Variants in CLDN1 observed in about 807,000 individuals in gnomAD.
CLDN1 encodes the protein claudin-1.
CLDN1 carries 12 observed loss-of-function variants against 22.6 expected under a neutral mutation model. The observed-to-expected ratio is 0.53, with a 90% confidence interval of 0.34 to 0.86. The LOEUF (loss-of-function observed/expected upper bound fraction) is 0.86. CLDN1 is among the 40% of genes least tolerant of loss of function. CLDN1 has a pLI of 0.02. For synonymous variants in CLDN1, 99 were observed against 103.8 expected, an observed-to-expected ratio of 0.95 and a Z score of 0.28; for missense variants, 250 against 269.5, an observed-to-expected ratio of 0.93 and a Z score of 0.51.
Position 190,308,351 on chromosome 3 carries a change from G to C in CLDN1, c.562C>G (p.Arg188Gly). ...GGALLCCSCP[R>G]KTTSYPTPRP... ...GGTGTTGGGTAAGAGGTTGTTTTTCGGGGACAGGAACAGCAAAGTAGGGCA... is the reference window on the plus strand; with the variant it reads ...GGTGTTGGGTAAGAGGTTGTTTTTCCGGGACAGGAACAGCAAAGTAGGGCA... Residue 188 changes from arginine to glycine, a missense_variant, in exon 4 of 4, where the codon CGA becomes GGA. Physicochemically the swap from Arg to Gly is moderately radical, Grantham distance 125. Coordinates refer to ENST00000295522, the MANE Select transcript of CLDN1 (RefSeq NM_021101.5). 1 of 1,613,832 alleles carries C rather than the reference G, an allele frequency of 6.2e-7. No homozygotes were observed. Among genetic ancestry groups the C allele is most frequent in the Non-Finnish European group, 8.5e-7 (1 of 1,179,858 alleles).
At chr3:190,308,555 G>T in intron 3 of CLDN1, 116 bp from the exon 4 acceptor site, 1 of 969,124 alleles carries the variant, frequency 1.0e-6, no homozygotes. Context: ...AATAACCCCT[G>T]AATATCCCTT....
chr3:190,314,556 G>A (rs1258824057), intron 1 of CLDN1, among the ~76,000 whole-genome samples: 1 of 134,450 alleles, frequency 7.4e-6, no homozygotes, highest in African/African-American at 3.4e-5. Context: ...CACCATGCCT[G>A]GCTAAATTTT....
intron 1 of CLDN1, among the ~76,000 whole-genome samples, chr3:190,314,314 C>A (rs73056501): frequency 0.085 from 13,007 of 152,206 alleles, 1,084 homozygotes; most frequent in African/African-American, 0.22. Context: ...CTAAATATTT[C>A]TAAAACTTCA....
intron 1 of CLDN1, among the ~76,000 whole-genome samples, chr3:190,318,844 ACAT>A (rs1716838866): frequency 6.6e-6 from 1 of 152,202 alleles, no homozygotes; most frequent in Non-Finnish European, 1.5e-5. Flanking sequence ...ATTGAGCCTG[ACAT>A]CATGGTGAGA....
intron 3 of CLDN1, 29 bp downstream of exon 3, chr3:190,310,140 C>T: frequency 6.3e-7 from 1 of 1,585,282 alleles, no homozygotes; most frequent in Non-Finnish European, 8.7e-7. Flanking sequence ...TCTCAGAAAA[C>T]AAACTATTTT....
chr3:190,322,330 C>T lies in CLDN1; in HGVS notation c.-124G>A. ...GCGGAGGAAGTTAAGGCGGGGAGCCCTGCTCGCTGCGCCGCCGCTGGAGAA... is the reference window on the plus strand; with the variant it reads ...GCGGAGGAAGTTAAGGCGGGGAGCCTTGCTCGCTGCGCCGCCGCTGGAGAA... On this transcript the variant is annotated 5_prime_UTR_variant, in exon 1 of 4. Transcript: ENST00000295522. 1.1e-6 allele frequency: 1 copy of T among 871,064 alleles called. No homozygotes were observed. The highest frequency in any genetic ancestry group is 1.8e-6 in the Non-Finnish European group (1 of 544,164). The allele number at this position is 871,064 out of a possible 1,614,324, so 54.0% of individuals were successfully genotyped here.
Position 190,310,221 on chromosome 3 carries a change from C to T in CLDN1, c.421G>A (p.Gly141Ser), listed in dbSNP as rs1716575191. The T allele has an allele frequency of 4.3e-6, 7 of 1,613,850 alleles. No homozygotes were observed. In the South Asian group the frequency reaches 4.4e-5, roughly 10 times the overall value. ...TAGAATTCTTGAACGATTCTATTGC[C>T]ATACCATGCTGTGGCAACTAAAATA... ...LAILVATAWY[G>S]NRIVQEFYDP... is the part of the protein sequence containing the mutation. Residue 141 changes from glycine to serine, a missense_variant, in exon 3 of 4, where the codon GGC becomes AGC. Coordinates refer to ENST00000295522, the MANE Select transcript of CLDN1 (RefSeq NM_021101.5).
At chr3:190,312,840 G>T (rs756332574) in intron 2 of CLDN1, 32 bp downstream of exon 2, 1 of 1,611,012 alleles carries the variant, frequency 6.2e-7, no homozygotes, top group South Asian at 1.1e-5. Context: ...GAACAGGTTA[G>T]TAAGGTGAAA....
chr3:190,314,695 C>T (rs1414291656), intron 1 of CLDN1, among the ~76,000 whole-genome samples: 4 of 152,050 alleles, frequency 2.6e-5, no homozygotes, highest in South Asian at 2.1e-4. Flanking sequence ...TGAGCCACTA[C>T]GCCTGGCCAT....
chr3:190,312,824 T>C, intron 2 of CLDN1, 48 bp downstream of exon 2: 1 of 1,600,660 alleles, frequency 6.2e-7, no homozygotes, highest in Non-Finnish European at 8.6e-7. Flanking sequence ...TTTCAAATCA[T>C]ACCAGGAACA....
At chr3:190,313,672 G>A (rs1238589966) in intron 1 of CLDN1, among the ~76,000 whole-genome samples, 1 of 152,034 alleles carries the variant, frequency 6.6e-6, no homozygotes, top group African/African-American at 2.4e-5. Flanking sequence ...TGTTACCTTG[G>A]GACATAGTAG....
At chr3:190,312,812 G>T (rs773817374) in intron 2 of CLDN1, 60 bp downstream of exon 2, 15 of 1,580,652 alleles carry the variant, frequency 9.5e-6, no homozygotes, top group Admixed American at 8.3e-5. Context: ...CAACGTAATA[G>T]ATTTCAAATC....
At chr3:190,316,165 A>G (rs1472670011) in intron 1 of CLDN1, among the ~76,000 whole-genome samples, 2 of 152,208 alleles carry the variant, frequency 1.3e-5, no homozygotes, top group African/African-American at 2.4e-5. Flanking sequence ...ACAAAAAGTA[A>G]TGGAGAAAAT....
At chr3:190,320,633 C>G (rs1294104072) in intron 1 of CLDN1, among the ~76,000 whole-genome samples, 1 of 152,174 alleles carries the variant, frequency 6.6e-6, no homozygotes, top group Non-Finnish European at 1.5e-5. Flanking sequence ...AGATTTGGAA[C>G]AGGTTTAATA....
intron 1 of CLDN1, among the ~76,000 whole-genome samples, chr3:190,314,103 A>G (rs538660944): frequency 2.8e-4 from 42 of 152,188 alleles, no homozygotes; most frequent in Non-Finnish European, 4.3e-4. Context: ...GAAACTTAGT[A>G]TTGTTTGGAA....
At chr3:190,317,708 G>A (rs1423526915) in intron 1 of CLDN1, among the ~76,000 whole-genome samples, 1 of 152,150 alleles carries the variant, frequency 6.6e-6, no homozygotes, top group African/African-American at 2.4e-5. Context: ...AACTAAATCT[G>A]CACATGCTCA....
chr3:190,318,302 T>C (rs1716823201), intron 1 of CLDN1, among the ~76,000 whole-genome samples: 1 of 152,218 alleles, frequency 6.6e-6, no homozygotes, highest in Non-Finnish European at 1.5e-5. Flanking sequence ...GATGCTTCTA[T>C]ATTACCTCCA....
chr3:190,312,093 G>A (rs1716636728), intron 2 of CLDN1, among the ~76,000 whole-genome samples: 1 of 151,724 alleles, frequency 6.6e-6, no homozygotes, highest in Non-Finnish European at 1.5e-5. Flanking sequence ...ACCACACCCA[G>A]CTAATTTTTG....
At chr3:190,318,060 TCTTTTA>T (rs1268820343) in intron 1 of CLDN1, among the ~76,000 whole-genome samples, 1 of 152,196 alleles carries the variant, frequency 6.6e-6, no homozygotes, top group Non-Finnish European at 1.5e-5. Context: ...CCATATTAAA[TCTTTTA>T]CTTTTACGGA....
Sources: gnomAD v4.1 joint callset for allele counts (sites outside exome capture counted in the v4.1 genomes callset) on GRCh38, gnomAD v4.1.1 for gene constraint, MANE v1.5 for transcripts, NCBI Gene and HGNC (gene_info 2026-07-23, HGNC 2026-07-21) for gene names.